The following RBMS3 variants were observed in gnomAD, a reference collection of about 807,000 sequenced individuals.
The protein encoded by RBMS3 is RNA-binding motif, single-stranded-interacting protein 3.
RBMS3 carries 27 observed loss-of-function variants against 66.8 expected under a neutral mutation model. The observed-to-expected ratio is 0.40, with a 90% confidence interval of 0.30 to 0.56. The LOEUF (loss-of-function observed/expected upper bound fraction) is 0.56. RBMS3 is among the 20% of genes least tolerant of loss of function. The probability of loss-of-function intolerance (pLI) is 0.40; values close to 1 mark genes in which losing one functional copy is unlikely to be tolerated. For missense variants in RBMS3, 513 were observed against 549.5 expected (o/e 0.93, Z 0.66); for synonymous variants, 188 against 183.0 (o/e 1.03, Z -0.22).
chr3:29,767,084 G>A (rs1200985274), intron 6 of RBMS3: 4 of 151,918 alleles, frequency 2.6e-5, no homozygotes, highest in African/African-American at 9.7e-5. Flanking sequence ...TAGCCCCAAA[G>A]TGTTCCATTT....
At chr3:29,783,058 G>A (rs1188060531) in intron 6 of RBMS3, among the ~76,000 whole-genome samples, 1 of 152,082 alleles carries the variant, frequency 6.6e-6, no homozygotes, top group Non-Finnish European at 1.5e-5. Context: ...TATGTTAAAT[G>A]TCCAAACCTA....
At chr3:29,912,385 A>T (rs997293344) in intron 10 of RBMS3, among the ~76,000 whole-genome samples, 1 of 152,020 alleles carries the variant, frequency 6.6e-6, no homozygotes, top group Non-Finnish European at 1.5e-5. Context: ...ATCAAACCCA[A>T]CTTATTAGGG....
intron 14 of RBMS3, among the ~76,000 whole-genome samples, chr3:30,000,633 C>G (rs1214424332): frequency 6.6e-6 from 1 of 152,066 alleles, no homozygotes; most frequent in Non-Finnish European, 1.5e-5. Context: ...AGAGTTGGAA[C>G]CAACCCAAAT....
intron 1 of RBMS3, among the ~76,000 whole-genome samples, chr3:29,355,295 T>C (rs114045142): frequency 0.017 from 2,527 of 152,190 alleles, 31 homozygotes; most frequent in Non-Finnish European, 0.024. Flanking sequence ...ATAAGATCCC[T>C]TTTCATATAT....
chr3:29,537,127 G>T (rs558221518), intron 3 of RBMS3, among the ~76,000 whole-genome samples: 1 of 151,988 alleles, frequency 6.6e-6, no homozygotes, highest in Non-Finnish European at 1.5e-5. Flanking sequence ...ATAAAAATAA[G>T]TGTTTTTAGA....
chr3:29,376,911 A>T (rs1328217619), intron 1 of RBMS3, among the ~76,000 whole-genome samples: 1 of 152,008 alleles, frequency 6.6e-6, no homozygotes, highest in Non-Finnish European at 1.5e-5. Flanking sequence ...CTCAAACAAC[A>T]ACAAAAACAA....
chr3:29,466,345 T>C (rs2042541307), intron 2 of RBMS3, among the ~76,000 whole-genome samples: 1 of 152,136 alleles, frequency 6.6e-6, no homozygotes, highest in Non-Finnish European at 1.5e-5. Flanking sequence ...CACTCGTCTT[T>C]CAAGTGCCCT....
At chr3:29,604,817 T>C (rs1388758167) in intron 4 of RBMS3, among the ~76,000 whole-genome samples, 1 of 151,952 alleles carries the variant, frequency 6.6e-6, no homozygotes. Flanking sequence ...TGATCATTAG[T>C]TTTCCTCCAG....
intron 12 of RBMS3, among the ~76,000 whole-genome samples, chr3:29,979,105 CT>C (rs1174305763): frequency 1.1e-4 from 16 of 152,076 alleles, no homozygotes; most frequent in Admixed American, 9.2e-4. Flanking sequence ...GTACTCCAGC[CT>C]GGGCCACATG....
At chr3:29,636,465 A>T (rs2149186539) in intron 4 of RBMS3, among the ~76,000 whole-genome samples, 1 of 152,094 alleles carries the variant, frequency 6.6e-6, no homozygotes, top group Non-Finnish European at 1.5e-5. Context: ...TCTGTCACTG[A>T]AACTATTCAG....
At chr3:29,552,240 C>T (rs1045075456) in intron 3 of RBMS3, among the ~76,000 whole-genome samples, 1 of 152,158 alleles carries the variant, frequency 6.6e-6, no homozygotes, top group African/African-American at 2.4e-5. Flanking sequence ...GGACTCAGGA[C>T]TATGTTATCT....
At chr3:29,484,503 T>G (rs1187445132) in intron 2 of RBMS3, among the ~76,000 whole-genome samples, 2 of 152,152 alleles carry the variant, frequency 1.3e-5, no homozygotes, top group East Asian at 3.9e-4. Context: ...CTTAATTACC[T>G]CTTTAAAGGC....
chr3:29,403,220 A>T (rs1353784487), intron 1 of RBMS3, among the ~76,000 whole-genome samples: 1 of 152,080 alleles, frequency 6.6e-6, no homozygotes, highest in Non-Finnish European at 1.5e-5. Flanking sequence ...ATATTTTCTT[A>T]TCTTAGCAGG....
At chr3:29,702,265 A>G (rs2052639449) in intron 4 of RBMS3, among the ~76,000 whole-genome samples, 1 of 152,112 alleles carries the variant, frequency 6.6e-6, no homozygotes, top group Non-Finnish European at 1.5e-5. Context: ...TGCACCAATC[A>G]GTGCTCTGTG....
intron 3 of RBMS3, among the ~76,000 whole-genome samples, chr3:29,535,886 AT>A (rs2045538762): frequency 6.6e-6 from 1 of 151,816 alleles, no homozygotes; most frequent in African/African-American, 2.4e-5. Flanking sequence ...TAAGTGATTT[AT>A]TTATGGTCTA....
At chr3:29,998,373 T>A (rs1699392766) in intron 14 of RBMS3, among the ~76,000 whole-genome samples, 6 of 152,140 alleles carry the variant, frequency 3.9e-5, no homozygotes, top group Admixed American at 3.9e-4. Flanking sequence ...GCCATCCCCA[T>A]CAAGCTACCA....
chr3:29,472,605 T>C (rs995038574), intron 2 of RBMS3, among the ~76,000 whole-genome samples: 1 of 152,092 alleles, frequency 6.6e-6, no homozygotes, highest in Admixed American at 6.5e-5. Context: ...TTTGGTGGGT[T>C]CGTGGTCTCA....
intron 2 of RBMS3, among the ~76,000 whole-genome samples, chr3:29,481,147 G>T (rs1040584925): frequency 1.3e-5 from 2 of 152,152 alleles, no homozygotes; most frequent in African/African-American, 4.8e-5. Flanking sequence ...TTGTTGCAAT[G>T]ACTAACATGA....
In RBMS3 at chr3:29,968,195, C is replaced by T. The variant is rs72849036; in HGVS notation, c.1099-19948C>T. 1.7e-3 allele frequency among the ~76,000 whole-genome samples: 246 copies of T among 147,478 alleles called. 1 individual carries two copies. The highest frequency in any genetic ancestry group is 5.6e-3 in the African/African-American group (230 of 41,252). On this transcript the variant is annotated intron_variant, in intron 12 of 14. Coordinates refer to ENST00000383767, the MANE Select transcript of RBMS3 (RefSeq NM_001003793.3). The stretch of plus-strand genomic sequence containing the variant: ...GGACTCACTCCCACGGCTGCCCACC[C>T]GGCCTGCCCCCGTAACAGTCTGTTT...
Sources: gnomAD v4.1 joint callset for allele counts (sites outside exome capture counted in the v4.1 genomes callset) on GRCh38, gnomAD v4.1.1 for gene constraint, MANE v1.5 for transcripts, NCBI Gene and HGNC (gene_info 2026-07-23, HGNC 2026-07-21) for gene names.